The following REV3L variants were observed in gnomAD, a reference collection of about 807,000 sequenced individuals.
REV3L encodes REV3 like, DNA directed polymerase zeta catalytic subunit, also known as DNA polymerase zeta catalytic subunit.
A neutral mutation model predicts 299.4 loss-of-function variants in REV3L; 69 were observed. The ratio of observed to expected loss-of-function variants is 0.23; its 90% CI spans 0.19 to 0.28. The LOEUF is 0.28. Among genes scored for constraint, REV3L ranks in the 10% least tolerant of loss-of-function variants. REV3L has a pLI of 1.00. For synonymous variants in REV3L, 1,238 were observed against 1,271.4 expected (o/e 0.97, Z 0.56); for missense variants, 3,128 against 3,693.8 (o/e 0.85, Z 3.97).
At chr6:111,326,179 C>G (rs1774781404) in intron 25 of REV3L, among the ~76,000 whole-genome samples, 1 of 152,066 alleles carries the variant, frequency 6.6e-6, no homozygotes, top group South Asian at 2.1e-4. Flanking sequence ...AGGAAATAAT[C>G]AACAAAGTGA....
At chr6:111,357,468 G>A (rs1456652894) in intron 17 of REV3L, among the ~76,000 whole-genome samples, 9 of 152,080 alleles carry the variant, frequency 5.9e-5, no homozygotes, top group East Asian at 1.9e-4. Flanking sequence ...CGAGGCAGGC[G>A]GATCACGAGG....
At chr6:111,438,752 T>C (rs1024027936) in intron 1 of REV3L, among the ~76,000 whole-genome samples, 1 of 152,322 alleles carries the variant, frequency 6.6e-6, no homozygotes, top group South Asian at 2.1e-4. Context: ...TGGGTTGATA[T>C]GGCAAGTGAG....
intron 4 of REV3L, among the ~76,000 whole-genome samples, chr6:111,397,517 T>C (rs1171751418): frequency 3.3e-5 from 5 of 152,238 alleles, no homozygotes; most frequent in Admixed American, 3.3e-4. Context: ...AGACTTGTTT[T>C]GTGGCCTAAC....
intron 18 of REV3L, chr6:111,354,324 C>T (rs1400720005): frequency 6.6e-6 from 1 of 151,974 alleles, no homozygotes; most frequent in Admixed American, 6.6e-5. Flanking sequence ...AGGGAGTTGG[C>T]TACGTACACT....
Position 111,373,361 on chromosome 6 carries a change from T to A in REV3L, c.4994A>T (p.Gln1665Leu), listed in dbSNP as rs1273871108. Residue 1665 changes from glutamine to leucine, a missense_variant, in exon 13 of 32, where the codon CAG (glutamine) becomes CTG (leucine). Gln to Leu is a moderately radical substitution (Grantham distance 113). Around this residue, in one of 9 missense-constraint regions of REV3L, gnomAD observed 2,409 missense variants for 2,611.8 expected, o/e 0.92. Transcript: ENST00000368802. ...TGFCSFYSGS[Q>L]FVPADQNLPQ... ...CAAATTCTGATCAGCTGGGACAAAC[T>A]GACTTCCAGAATAAAAGCTACAAAA... 1.9e-6 allele frequency: 3 copies of A among 1,613,668 alleles called. No homozygotes were observed. Among genetic ancestry groups the A allele is most frequent in the Non-Finnish European group, 2.5e-6 (3 of 1,179,866 alleles).
intron 9 of REV3L, among the ~76,000 whole-genome samples, chr6:111,386,681 T>C (rs1451428841): frequency 1.3e-5 from 2 of 151,972 alleles, no homozygotes; most frequent in African/African-American, 4.8e-5. Context: ...ATGATATTTA[T>C]CCTAAAATTT....
chr6:111,321,759 AT>A (rs1774218553), intron 26 of REV3L, among the ~76,000 whole-genome samples: 1 of 152,204 alleles, frequency 6.6e-6, no homozygotes, highest in Non-Finnish European at 1.5e-5. Context: ...ATTATCTCCT[AT>A]TGCTCTGTTG....
intron 1 of REV3L, among the ~76,000 whole-genome samples, chr6:111,427,235 AT>A (rs1453044400): frequency 6.6e-6 from 1 of 152,200 alleles, no homozygotes; most frequent in African/African-American, 2.4e-5. Context: ...ATTCAACCAT[AT>A]TTTATGGTAG....
At chr6:111,432,264 TC>T (rs1405838435) in intron 1 of REV3L, among the ~76,000 whole-genome samples, 1 of 152,240 alleles carries the variant, frequency 6.6e-6, no homozygotes, top group African/African-American at 2.4e-5. Flanking sequence ...CAGAATGAAT[TC>T]TGTCTAAACA....
intron 4 of REV3L, among the ~76,000 whole-genome samples, chr6:111,402,130 A>T (rs995488226): frequency 6.6e-6 from 1 of 152,050 alleles, no homozygotes; most frequent in African/African-American, 2.4e-5. Context: ...AAAATAATAA[A>T]AAATAAAAAT....
chr6:111,310,254 A>G (rs1772826887), intron 29 of REV3L, 155 bp from the exon 30 acceptor site: 1 of 975,294 alleles, frequency 1.0e-6, no homozygotes, highest in Non-Finnish European at 1.4e-6. Flanking sequence ...AATAATATAT[A>G]TACATTTTGC....
At chr6:111,313,247 G>C (rs1223202914) in intron 28 of REV3L, 105 bp downstream of exon 28, 1 of 937,022 alleles carries the variant, frequency 1.1e-6, no homozygotes, top group Non-Finnish European at 1.6e-6. Context: ...AATTATATAG[G>C]CTATAGTTCC....
chr6:111,395,680 G>T (rs1259446437), intron 4 of REV3L, among the ~76,000 whole-genome samples: 8 of 151,940 alleles, frequency 5.3e-5, no homozygotes, highest in African/African-American at 1.9e-4. Flanking sequence ...TCCCAATTTG[G>T]TGTCTTTTAT....
chr6:111,423,338 A>G (rs1163597187), intron 1 of REV3L, among the ~76,000 whole-genome samples: 1 of 152,230 alleles, frequency 6.6e-6, no homozygotes, highest in Non-Finnish European at 1.5e-5. Context: ...ATTTGAGCTG[A>G]TATCTGAACT....
intron 17 of REV3L, among the ~76,000 whole-genome samples, chr6:111,357,475 G>A (rs1295667496): frequency 3.3e-5 from 5 of 152,054 alleles, no homozygotes; most frequent in Non-Finnish European, 5.9e-5. Flanking sequence ...GGCGGATCAC[G>A]AGGTCAGGAG....
chr6:111,342,484 T>C (rs1022350832), intron 21 of REV3L, among the ~76,000 whole-genome samples: 2 of 151,964 alleles, frequency 1.3e-5, no homozygotes, highest in African/African-American at 2.4e-5. Context: ...CTGGCTAACA[T>C]GGTGAAACCC....
chr6:111,435,441 C>T (rs536011407), intron 1 of REV3L, among the ~76,000 whole-genome samples: 6 of 152,202 alleles, frequency 3.9e-5, no homozygotes, highest in African/African-American at 1.4e-4. Flanking sequence ...AATCAGCATG[C>T]TATTGGCATA....
chr6:111,472,127 T>G (rs1399316156), intron 1 of REV3L: 1 of 1,276,486 alleles, frequency 7.8e-7, no homozygotes, highest in Non-Finnish European at 1.0e-6. Context: ...ATGTGGCTTG[T>G]CTTGGGTTTT....
At chr6:111,455,310 C>A (rs1583055450) in intron 1 of REV3L, among the ~76,000 whole-genome samples, 1 of 152,132 alleles carries the variant, frequency 6.6e-6, no homozygotes, top group East Asian at 1.9e-4. Flanking sequence ...ACACCAGACA[C>A]TGAACACCTA....
Sources: allele counts gnomAD v4.1 joint callset (sites outside exome capture counted in the v4.1 genomes callset), GRCh38; gene constraint gnomAD v4.1.1; regional missense constraint gnomAD v4.1.1; transcripts MANE v1.5; gene names NCBI Gene and HGNC (gene_info 2026-07-23, HGNC 2026-07-21).